NSD1: variants seen among roughly 807,000 people sequenced by gnomAD.
NSD1 encodes nuclear receptor binding SET domain protein 1.
In NSD1, 26 loss-of-function variants were observed where a neutral mutation model predicts 242.7. The ratio of observed to expected loss-of-function variants is 0.11; its 90% CI spans 0.08 to 0.15. The LOEUF is 0.15. Ranked by LOEUF, NSD1 falls within the 10% of genes least tolerant of loss-of-function variation. NSD1 has a pLI of 1.00. For missense variants in NSD1, 2,495 were observed against 3,272.8 expected (o/e 0.76, Z 5.80); for synonymous variants, 1,106 against 1,178.1 (o/e 0.94, Z 1.25).
Position 177,269,986 on chromosome 5 carries a change from G to A in NSD1, c.5509+179G>A, listed in dbSNP as rs914017158. Reference sequence around the variant, plus strand: ...GACCCATGTAACTCATTATTTTTGAGCCTTAACCTTTACTTAATTTGAATT... The same window carrying A: ...GACCCATGTAACTCATTATTTTTGAACCTTAACCTTTACTTAATTTGAATT... On this transcript the variant is annotated intron_variant, in intron 16 of 22. Transcript: ENST00000439151. This position sits in a 1 kb window ranked among gnomAD's most constrained non-coding sequence, Gnocchi z 5.1. Among the ~76,000 whole-genome samples, 2 of 152,078 alleles carry A rather than the reference G, an allele frequency of 1.3e-5. No individual in the cohort carries two copies. The highest frequency in any genetic ancestry group is 2.1e-4 in the South Asian group (1 of 4,828).
chr5:177,295,020 C>T lies in NSD1; in HGVS notation c.7652C>T (p.Pro2551Leu). The T allele has an allele frequency of 6.2e-7, 1 of 1,614,222 alleles. No individual in the cohort carries two copies. The highest frequency in any genetic ancestry group is 8.5e-7 in the Non-Finnish European group (1 of 1,180,038). ...CCTGCCAAGGCCTTTTTATATGAGCCAACAACTCAGGCCTCAGGAAGAGCT... is the reference window on the plus strand; with the variant it reads ...CCTGCCAAGGCCTTTTTATATGAGCTAACAACTCAGGCCTCAGGAAGAGCT... Reference protein sequence around the residue: ...QPPAKAFLYEPTTQASGRASA... With the variant: ...QPPAKAFLYELTTQASGRASA... Residue 2551 changes from proline (P) to leucine (L), a missense_variant, in exon 23 of 23, where the codon CCA becomes CTA. Physicochemically the swap from Pro to Leu is moderately conservative, Grantham distance 98. Around this residue, in one of 19 missense-constraint regions of NSD1, gnomAD observed 475 missense variants for 563.7 expected, o/e 0.84. Transcript: ENST00000439151. This position sits in a 1 kb window ranked among gnomAD's most constrained non-coding sequence, Gnocchi z 4.3.
At position 177,295,119 on chromosome 5, in the gene NSD1, T is replaced by C. The variant is rs1412992057; in HGVS notation, c.7751T>C (p.Val2584Ala). The C allele has an allele frequency of 1.6e-5, 26 of 1,613,134 alleles. No individual in the cohort carries two copies. The highest frequency in any genetic ancestry group is 2.0e-5 in the Non-Finnish European group (23 of 1,179,320). The change falls in exon 23 of 23, where the codon GTC (valine) becomes GCC (alanine). Residue 2584 changes from valine to alanine, a missense_variant. Val to Ala is a moderately conservative substitution (Grantham distance 64). Coordinates refer to ENST00000439151, the MANE Select transcript of NSD1 (RefSeq NM_022455.5). The surrounding 1 kb of genome is among the most constrained non-coding windows in gnomAD (Gnocchi z 4.3). ...PGLVKQAKQM[V>A]GGQQLPALAA... Reference sequence around the variant, plus strand: ...CTGGTGAAGCAGGCGAAGCAGATGGTCGGAGGCCAGCAACTACCTGCACTT... The same window carrying C: ...CTGGTGAAGCAGGCGAAGCAGATGGCCGGAGGCCAGCAACTACCTGCACTT...
At position 177,300,112 on chromosome 5, in the gene NSD1, A is replaced by C. The variant is rs1033751122; in HGVS notation, c.*4653A>C. 4.4e-6 allele frequency: 1 copy of C among 226,288 alleles called. No individual in the cohort carries two copies. The highest frequency in any genetic ancestry group is 2.3e-5 in the African/African-American group (1 of 43,770). 14.0% of individuals were successfully genotyped at this position (226,288 alleles called of 1,614,324 possible). On this transcript the variant is annotated 3_prime_UTR_variant, in exon 23 of 23. Coordinates refer to ENST00000439151, the MANE Select transcript of NSD1 (RefSeq NM_022455.5). ...AGCTGTAAGTGAAACTCCTAGTGAAAAAGAGGGGAGCCCTGTGTTAGGAGT... is the reference window on the plus strand; with the variant it reads ...AGCTGTAAGTGAAACTCCTAGTGAACAAGAGGGGAGCCCTGTGTTAGGAGT...
intron 2 of NSD1, among the ~76,000 whole-genome samples, chr5:177,141,365 C>G (rs1207030215): frequency 1.8e-5 from 2 of 109,222 alleles, no homozygotes; most frequent in African/African-American, 7.3e-5. Flanking sequence ...AATTCTTGCT[C>G]TGTTGCCCAG....
intron 2 of NSD1, among the ~76,000 whole-genome samples, chr5:177,160,458 G>A (rs1018143178): frequency 1.3e-5 from 2 of 150,956 alleles, no homozygotes; most frequent in African/African-American, 4.9e-5. Context: ...GTGCCACGAC[G>A]CCCGGCTGAT....
At position 177,295,202 on chromosome 5, in the gene NSD1, A is replaced by C; in HGVS notation, c.7834A>C (p.Thr2612Pro). ...CGGGAAGGCCCCAGCCTCCCTCCCC[A>C]CTGAAGAAAAGAAGTTGGTAACCAC... is the stretch of plus-strand genomic sequence containing the variant. The part of the protein sequence containing the change: ...SLGKAPASLP[T>P]EEKKLVTTEQ... Residue 2612 changes from threonine to proline, a missense_variant, in exon 23 of 23, where the codon ACT becomes CCT. By Grantham distance (38) the Thr-to-Pro change is conservative. This residue lies in a region of NSD1 where 475 missense variants were observed against 563.7 expected (regional missense o/e 0.84). Transcript: ENST00000439151. This position sits in a 1 kb window ranked among gnomAD's most constrained non-coding sequence, Gnocchi z 4.3. 1 of 1,614,216 alleles carries C rather than the reference A, an allele frequency of 6.2e-7. No homozygotes were observed. Among genetic ancestry groups the C allele is most frequent in the South Asian group, 1.1e-5 (1 of 91,084 alleles).
rs1759536644 is a variant in NSD1 at position 177,288,699 on chromosome 5, T to TAGAG, written c.6152-119_6152-116dup. ...ATTAGAATTAATTAAAATATAGGAT[T>TAGAG]AGAGCTAAATTCTTTTTAAAATTAA... On this transcript the variant is annotated intron_variant, in intron 20 of 22. Coordinates refer to ENST00000439151, the MANE Select transcript of NSD1 (RefSeq NM_022455.5). 1.6e-5 allele frequency: 12 copies of TAGAG among 747,200 alleles called. No individual in the cohort carries two copies. In the South Asian group the frequency reaches 1.8e-4, roughly 11 times the overall value. 46.3% of individuals were successfully genotyped at this position (747,200 alleles called of 1,614,324 possible).
At chr5:177,182,840 G>A (rs1271949900) in intron 2 of NSD1, among the ~76,000 whole-genome samples, 4 of 152,102 alleles carry the variant, frequency 2.6e-5, no homozygotes, top group Admixed American at 6.6e-5. Context: ...GTTTCACCAC[G>A]TTAGTCAGGC....
At chr5:177,132,539 G>T (rs903587713), upstream of NSD1, among the ~76,000 whole-genome samples, 45 of 151,996 alleles carry the variant, frequency 3.0e-4, no homozygotes, top group Admixed American at 1.9e-3. The surrounding 1 kb of genome is among the most constrained non-coding windows in gnomAD (Gnocchi z 7.5). Context: ...CCTGGGCTCG[G>T]GGGTGGTGAG....
chr5:177,210,262 C>T lies in NSD1; in HGVS notation c.1863C>T (p.Leu621=), dbSNP rs750012400. ...RSLVCGSKVK[L]CYIGAGDEEK... ...TGGTGTGTGGTTCAAAAGTGAAGCT[C>T]TGCTATATTGGAGCAGGTGATGAGG... The change falls in exon 5 of 23, where the codon CTC becomes CTT. Residue 621 remains leucine (L), a synonymous_variant. Coordinates refer to ENST00000439151, the MANE Select transcript of NSD1 (RefSeq NM_022455.5). 4.4e-6 allele frequency: 7 copies of T among 1,604,604 alleles called. No homozygotes were observed. Among genetic ancestry groups the T allele is most frequent in the Middle Eastern group, 1.7e-4 (1 of 5,990 alleles).
chr5:177,173,389 T>C (rs574542238), intron 2 of NSD1, among the ~76,000 whole-genome samples: 1 of 151,896 alleles, frequency 6.6e-6, no homozygotes, highest in South Asian at 2.1e-4. Context: ...TCTGGCTGCT[T>C]TTGTGCTGTG....
At chr5:177,229,460 C>T (rs914917935) in intron 5 of NSD1, among the ~76,000 whole-genome samples, 1 of 152,156 alleles carries the variant, frequency 6.6e-6, no homozygotes, top group African/African-American at 2.4e-5. Flanking sequence ...CATAATTACT[C>T]CTCTTTCCAT....
chr5:177,276,898 A>G (rs527716769), intron 17 of NSD1, among the ~76,000 whole-genome samples: 2 of 152,378 alleles, frequency 1.3e-5, no homozygotes, highest in East Asian at 3.9e-4. Context: ...AAGAATTTCA[A>G]AACCTATAAT....
intron 14 of NSD1, chr5:177,265,636 G>T: frequency 3.8e-6 from 6 of 1,587,552 alleles, no homozygotes; most frequent in Admixed American, 1.7e-5. Context: ...CTAGGTTGAT[G>T]GTGAAGTCCC....
At chr5:177,204,549 G>A (rs751287819) in intron 4 of NSD1, among the ~76,000 whole-genome samples, 1 of 152,072 alleles carries the variant, frequency 6.6e-6, no homozygotes, top group African/African-American at 2.4e-5. Context: ...ACAGGATTTC[G>A]CCATGTTGGC....
chr5:177,158,297 C>CTTTCTTTCTTTCTTTTCT (rs1350704343), intron 2 of NSD1, among the ~76,000 whole-genome samples: 2 of 103,990 alleles, frequency 1.9e-5, no homozygotes, highest in South Asian at 3.0e-4. Context: ...TTCTTTCTTT[C>CTTTCTTTCTTTCTTTTCT]TTTCTTTTCT....
In NSD1 at chr5:177,295,630, G is replaced by C. The variant is rs140064178; in HGVS notation, c.*171G>C. On this transcript the variant is annotated 3_prime_UTR_variant, in exon 23 of 23. Coordinates refer to ENST00000439151, the MANE Select transcript of NSD1 (RefSeq NM_022455.5). This position sits in a 1 kb window ranked among gnomAD's most constrained non-coding sequence, Gnocchi z 4.3. ...CAGAACTCTTGTGACATTAGCCAGT[G>C]GGGGCTTATGGTTGTGTGAACCATG... 677 of 746,722 alleles carry C rather than the reference G, an allele frequency of 9.1e-4. 4 individuals carry two copies. The African/African-American group carries it at 0.01, about 11-fold the overall frequency. The allele number at this position is 746,722 out of a possible 1,614,324, so 46.3% of individuals were successfully genotyped here. A position where few individuals can be genotyped will look rare whatever the true frequency, so the allele number is the denominator to read the frequency against.
intron 16 of NSD1, among the ~76,000 whole-genome samples, chr5:177,273,382 G>A (rs1056106581): frequency 3.5e-5 from 5 of 144,528 alleles, no homozygotes; most frequent in Admixed American, 1.4e-4. Flanking sequence ...AAGCAAAAAA[G>A]TTCTCGTATT....
At chr5:177,146,635 T>TAATATACA (rs1757268711) in intron 2 of NSD1, among the ~76,000 whole-genome samples, 1 of 152,206 alleles carries the variant, frequency 6.6e-6, no homozygotes, top group Non-Finnish European at 1.5e-5. Context: ...TTACTGGTAG[T>TAATATACA]CTTTCATTGT....
Sources: allele counts gnomAD v4.1 joint callset (sites outside exome capture counted in the v4.1 genomes callset), GRCh38; gene constraint gnomAD v4.1.1; regional missense constraint gnomAD v4.1.1; non-coding constraint Gnocchi (gnomAD v3.1); transcripts MANE v1.5; gene names NCBI Gene and HGNC (gene_info 2026-07-23, HGNC 2026-07-21).